Variants in COL15A1 observed in about 807,000 individuals in gnomAD.
COL15A1 encodes collagen alpha-1(XV) chain.
Under a neutral mutation model 165.9 loss-of-function variants are expected in COL15A1, and 111 were observed. The ratio of observed to expected loss-of-function variants is 0.67; its 90% CI spans 0.57 to 0.78. The LOEUF is 0.78. COL15A1 is among the 30% of genes least tolerant of loss of function. COL15A1 has a pLI of 0.00. For missense variants in COL15A1, 1,745 were observed against 1,789.7 expected (o/e 0.98, Z 0.45); for synonymous variants, 659 against 674.8 (o/e 0.98, Z 0.36).
At chr9:99,041,070 C>G (rs1003920296) in intron 23 of COL15A1, 1 of 161,120 alleles carries the variant, frequency 6.2e-6, no homozygotes. Flanking sequence ...TCCTGTGTTC[C>G]TGAGGGAGTC....
chr9:98,987,360 G>C lies in COL15A1; in HGVS notation c.715G>C (p.Glu239Gln). 1 of 1,612,358 alleles carries C rather than the reference G, an allele frequency of 6.2e-7. No homozygotes were observed. Among genetic ancestry groups the C allele is most frequent in the Non-Finnish European group, 8.5e-7 (1 of 1,179,272 alleles). Residue 239 changes from glutamate to glutamine, a missense_variant, in exon 4 of 42, where the codon GAG becomes CAG. By Grantham distance (29) the Glu-to-Gln change is conservative. Transcript: ENST00000375001. Reference sequence around the variant, plus strand: ...TCCCGAGGAGCTGTGTGACCCTGAAGAGTCCTCGGTGAGCTCCCCTACTAT... The same window carrying C: ...TCCCGAGGAGCTGTGTGACCCTGAACAGTCCTCGGTGAGCTCCCCTACTAT... Reference protein sequence around the residue: ...RTPEELCDPEESSASGETSGL... With the variant: ...RTPEELCDPEQSSASGETSGL...
chr9:99,053,304 T>C (rs1839622294), intron 31 of COL15A1, among the ~76,000 whole-genome samples: 1 of 152,124 alleles, frequency 6.6e-6, no homozygotes, highest in Admixed American at 6.5e-5. Flanking sequence ...AGCCCTGTGG[T>C]TTTTCTGTCA....
At chr9:99,001,916 T>G (rs1010679138) in intron 7 of COL15A1, among the ~76,000 whole-genome samples, 4 of 152,290 alleles carry the variant, frequency 2.6e-5, no homozygotes, top group Non-Finnish European at 4.4e-5. Context: ...TAGTTTGCCT[T>G]GTAACTTCTG....
intron 30 of COL15A1, among the ~76,000 whole-genome samples, chr9:99,051,461 A>G (rs1345576605): frequency 1.3e-5 from 2 of 152,154 alleles, no homozygotes; most frequent in Non-Finnish European, 2.9e-5. Context: ...TGAAACAGAA[A>G]TGCTTCCTCT....
In COL15A1 at chr9:99,042,097, A is replaced by T. The variant is rs1222230381; in HGVS notation, c.2564A>T (p.Lys855Ile). Residue 855 changes from lysine to isoleucine, a missense_variant, in exon 24 of 42, where the codon AAA (lysine) becomes ATA (isoleucine). By Grantham distance (102) the Lys-to-Ile change is moderately radical (BLOSUM62 -3). Transcript: ENST00000375001. ...DTGLPGFPGL[K>I]GEQGEKGEPG... is the part of the protein sequence containing the mutation. ...GGTTTACCTGGCTTTCCAGGACTAA[A>T]AGGAGAACAGGTAAGAGGGGCCCAG... The T allele has an allele frequency of 6.2e-7, 1 of 1,612,004 alleles. No individual in the cohort carries two copies. The highest frequency in any genetic ancestry group is 2.2e-5 in the East Asian group (1 of 44,878).
chr9:98,996,954 A>G lies in COL15A1; in HGVS notation c.825A>G (p.Glu275=), dbSNP rs1838555826. ...TQASPKEAKV[E]PINTPPTPSS... ...TTCAGCCCAAAGAAGCAAAAGTTGAACCCATAAACACACCTCCAACTCCAT... is the reference window on the plus strand; with the variant it reads ...TTCAGCCCAAAGAAGCAAAAGTTGAGCCCATAAACACACCTCCAACTCCAT... The change falls in exon 6 of 42, where the codon GAA becomes GAG. Residue 275 remains glutamate (E), a synonymous_variant. Transcript: ENST00000375001. 6.2e-7 allele frequency: 1 copy of G among 1,613,968 alleles called. No homozygotes were observed. The highest frequency in any genetic ancestry group is 1.1e-5 in the South Asian group (1 of 91,076).
At chr9:99,052,195 G>A (rs1159888433) in intron 30 of COL15A1, among the ~76,000 whole-genome samples, 193 bp from the exon 31 acceptor site, 7 of 152,216 alleles carry the variant, frequency 4.6e-5, no homozygotes, top group African/African-American at 1.4e-4. Context: ...GGGTCTCCCA[G>A]TTTAAAGCCT....
Position 99,023,340 on chromosome 9 carries a change from A to G in COL15A1, c.1762-17A>G. On this transcript the variant is annotated splice_polypyrimidine_tract_variant and intron_variant, in intron 13 of 41. Transcript: ENST00000375001. ...TGGCAGTTAAATGCAAGTAGTGGAA[A>G]TTTCTTCTCTTTCCAGGCAGGAGCA... 1 of 1,585,228 alleles carries G rather than the reference A, an allele frequency of 6.3e-7. No individual in the cohort carries two copies.
At chr9:98,960,932 G>A (rs1316313578) in intron 2 of COL15A1, among the ~76,000 whole-genome samples, 1 of 152,206 alleles carries the variant, frequency 6.6e-6, no homozygotes, top group Non-Finnish European at 1.5e-5. Context: ...GGATGGGAAG[G>A]GCCAGGACCA....
intron 30 of COL15A1, 100 bp downstream of exon 30, chr9:99,049,995 T>A: frequency 6.6e-7 from 1 of 1,505,254 alleles, no homozygotes; most frequent in South Asian, 1.1e-5. Context: ...TCCTCAAATG[T>A]CCTCTCTGAT....
chr9:98,970,106 C>T (rs565495907), intron 2 of COL15A1, among the ~76,000 whole-genome samples: 4 of 152,004 alleles, frequency 2.6e-5, no homozygotes, highest in Admixed American at 1.3e-4. Flanking sequence ...TGAGAACCAC[C>T]GCTATGCAAG....
rs1265634290 is a variant in COL15A1, at chr9:99,047,829, C to A, written c.2723C>A (p.Pro908His). 1 of 1,613,944 alleles carries A rather than the reference C, an allele frequency of 6.2e-7. No individual in the cohort carries two copies. Among genetic ancestry groups the A allele is most frequent in the South Asian group, 1.1e-5 (1 of 91,070 alleles). ...GGACATAAAGGAGAATTTGGCCTTC[C>A]CGGGCGACCTGTAGGTATCAGTGTT... The part of the protein sequence containing the change: ...PPGHKGEFGL[P>H]GRPGRPGLNG... The change falls in exon 27 of 42, where the codon CCC becomes CAC. Residue 908 changes from proline (P) to histidine (H), a missense_variant. Physicochemically the swap from Pro to His is moderately conservative, Grantham distance 77. Coordinates refer to ENST00000375001, the MANE Select transcript of COL15A1 (RefSeq NM_001855.5).
chr9:98,965,688 C>A (rs1837944275), intron 2 of COL15A1, among the ~76,000 whole-genome samples: 1 of 152,194 alleles, frequency 6.6e-6, no homozygotes, highest in Admixed American at 6.5e-5. Flanking sequence ...CTGTGTGAAG[C>A]ATCTCAGGCC....
At chr9:99,028,780 C>G (rs1247301694) in intron 16 of COL15A1, among the ~76,000 whole-genome samples, 1 of 152,168 alleles carries the variant, frequency 6.6e-6, no homozygotes, top group African/African-American at 2.4e-5. Flanking sequence ...TCTCAGAAAT[C>G]ACCACTGAAG....
Position 99,019,494 on chromosome 9 carries a change from C to T in COL15A1, c.1648-895C>T, listed in dbSNP as rs777441571. Among the ~76,000 whole-genome samples, 45 of 152,006 alleles carry T rather than the reference C, an allele frequency of 3.0e-4. 1 individual carries two copies. Among genetic ancestry groups the T allele is most frequent in the Non-Finnish European group, 7.4e-5 (5 of 67,972 alleles). On this transcript the variant is annotated intron_variant, in intron 11 of 41. Coordinates refer to ENST00000375001, the MANE Select transcript of COL15A1 (RefSeq NM_001855.5). ...CCTCCCAAAGTGCTGGGATTACAGG[C>T]GTGAGCCGCTGCACCCGTCCTCTAG... is the stretch of plus-strand genomic sequence containing the variant.
At chr9:99,016,409 A>T (rs1245391217) in intron 11 of COL15A1, among the ~76,000 whole-genome samples, 2 of 152,212 alleles carry the variant, frequency 1.3e-5, no homozygotes, top group African/African-American at 2.4e-5. Context: ...GACAAAGTTG[A>T]CAGTAAGACG....
intron 35 of COL15A1, among the ~76,000 whole-genome samples, chr9:99,057,507 C>T (rs566427294): frequency 1.3e-5 from 2 of 152,114 alleles, no homozygotes; most frequent in Non-Finnish European, 2.9e-5. Context: ...GTATCAGATG[C>T]CAGGCATTTT....
At chr9:99,025,095 G>C (rs187544383) in intron 15 of COL15A1, 96 bp downstream of exon 15, 12 of 1,012,440 alleles carry the variant, frequency 1.2e-5, no homozygotes, top group Non-Finnish European at 1.8e-5. Context: ...ACTGTCCAAG[G>C]TTCGCGATGG....
intron 15 of COL15A1, among the ~76,000 whole-genome samples, 157 bp from the exon 16 acceptor site, chr9:99,025,747 C>A (rs1839112256): frequency 6.6e-6 from 1 of 152,188 alleles, no homozygotes; most frequent in South Asian, 2.1e-4. Context: ...AGTGACCCAG[C>A]CTGGGCCAAG....
Sources: gnomAD v4.1 joint callset for allele counts (sites outside exome capture counted in the v4.1 genomes callset) on GRCh38, gnomAD v4.1.1 for gene constraint, MANE v1.5 for transcripts, NCBI Gene and HGNC (gene_info 2026-07-23, HGNC 2026-07-21) for gene names.